ADARB2: variants seen among roughly 807,000 people sequenced by gnomAD.
ADARB2 encodes the protein adenosine deaminase RNA specific B2 (inactive), also known as inactive double-stranded RNA-specific editase B2.
A neutral mutation model predicts 62.2 loss-of-function variants in ADARB2; 25 were observed. The ratio of observed to expected loss-of-function variants is 0.40; its 90% CI spans 0.29 to 0.56. The LOEUF (loss-of-function observed/expected upper bound fraction) is 0.56, where lower values mean the gene tolerates loss of function less well. ADARB2 is among the 20% of genes least tolerant of loss of function. The pLI, the probability that ADARB2 is intolerant of heterozygous loss-of-function variation, is 0.43. For synonymous variants in ADARB2, 572 were observed against 500.8 expected, an observed-to-expected ratio of 1.14 and a Z score of -1.90; for missense variants, 1,071 against 1,077.4, an observed-to-expected ratio of 0.99 and a Z score of 0.08.
At chr10:1,245,153 C>T (rs76409659) in intron 4 of ADARB2, among the ~76,000 whole-genome samples, 312 of 152,182 alleles carry the variant, frequency 2.1e-3, no homozygotes, top group African/African-American at 6.8e-3. Flanking sequence ...ACTTAGGAAG[C>T]ACCCTCAGGA....
intron 3 of ADARB2, among the ~76,000 whole-genome samples, chr10:1,341,991 C>T (rs183909176): frequency 6.6e-6 from 1 of 152,356 alleles, no homozygotes; most frequent in East Asian, 1.9e-4. Context: ...CTGATGTGTG[C>T]ACCCCAGGCT....
At chr10:1,447,607 G>A (rs1517189) in intron 1 of ADARB2, among the ~76,000 whole-genome samples, 7,815 of 152,042 alleles carry the variant, frequency 0.051, 653 homozygotes, top group African/African-American at 0.18. Context: ...AGCTTCAGGG[G>A]TACATGTGCA....
At chr10:1,601,151 T>C (rs61834180) in intron 1 of ADARB2, among the ~76,000 whole-genome samples, 30,068 of 152,224 alleles carry the variant, frequency 0.2, 3,056 homozygotes, top group South Asian at 0.27. Flanking sequence ...CCTGTTCCCG[T>C]CCTCTTTGGA....
rs753691318 is a variant in ADARB2 at position 1,508,334 on chromosome 10, G to A, written c.101-129174C>T. Among the ~76,000 whole-genome samples, 3 of 152,158 alleles carry A rather than the reference G, an allele frequency of 2.0e-5. No individual in the cohort carries two copies. In the South Asian group the frequency reaches 6.2e-4, roughly 32 times the overall value. On this transcript the variant is annotated intron_variant, in intron 1 of 9. Transcript: ENST00000381312. The stretch of plus-strand genomic sequence containing the variant: ...TGGTCAGAGGCTGCGTCTGGACCTC[G>A]GCTTGGCCAAGCTATGTGTGAGCAT...
In ADARB2 at chr10:1,180,070, C is replaced by T. The variant is rs951433660; in HGVS notation, c.*3123G>A. 6.6e-6 allele frequency: 1 copy of T among 152,172 alleles called. No individual in the cohort carries two copies. Among genetic ancestry groups the T allele is most frequent in the African/African-American group, 2.4e-5 (1 of 41,406 alleles). 9.4% of individuals were successfully genotyped at this position (152,172 alleles called of 1,614,324 possible). The stretch of plus-strand genomic sequence containing the variant: ...GGTCAAAACTGCAGGGCAGACATGG[C>T]CTGAAAGTGGTGCTGGGATGTTCTG... On this transcript the variant is annotated 3_prime_UTR_variant, in exon 10 of 10. Coordinates refer to ENST00000381312, the MANE Select transcript of ADARB2 (RefSeq NM_018702.4).
At chr10:1,708,704 T>C (rs1190557855) in intron 1 of ADARB2, among the ~76,000 whole-genome samples, 1 of 152,188 alleles carries the variant, frequency 6.6e-6, no homozygotes, top group Non-Finnish European at 1.5e-5. Flanking sequence ...TTCTGTAAAA[T>C]GGGAATAGTA....
intron 1 of ADARB2, among the ~76,000 whole-genome samples, chr10:1,561,284 G>A (rs913736703): frequency 2.6e-5 from 4 of 152,242 alleles, no homozygotes; most frequent in African/African-American, 9.6e-5. Flanking sequence ...CCCTGGCTGC[G>A]GGACTGGATG....
At chr10:1,559,092 TAA>T (rs763040455) in intron 1 of ADARB2, among the ~76,000 whole-genome samples, 1 of 152,206 alleles carries the variant, frequency 6.6e-6, no homozygotes, top group Non-Finnish European at 1.5e-5. Context: ...CATGAGGCTT[TAA>T]GACACTGATG....
intron 3 of ADARB2, among the ~76,000 whole-genome samples, chr10:1,327,123 A>C (rs1398050651): frequency 1.1e-4 from 7 of 65,490 alleles, no homozygotes; most frequent in South Asian, 5.0e-4. Context: ...ACAGCGCCTC[A>C]CTGCACAGCG....
At chr10:1,644,620 C>T (rs1170390022) in intron 1 of ADARB2, among the ~76,000 whole-genome samples, 4 of 152,342 alleles carry the variant, frequency 2.6e-5, no homozygotes, top group East Asian at 3.9e-4. Context: ...TCCTGCCAGG[C>T]GCCTACGCGG....
At chr10:1,685,037 G>T (rs1834582124) in intron 1 of ADARB2, among the ~76,000 whole-genome samples, 1 of 151,982 alleles carries the variant, frequency 6.6e-6, no homozygotes. Context: ...GGTGGGTGGG[G>T]ACTGTGGGAT....
intron 3 of ADARB2, chr10:1,293,085 GGGAGGAAA>G (rs1434990922): frequency 4.5e-5 from 5 of 111,128 alleles, no homozygotes; most frequent in African/African-American, 1.5e-4. Context: ...GGGAGAGAAA[GGGAGGAAA>G]GGAGGGAAGG....
intron 4 of ADARB2, among the ~76,000 whole-genome samples, chr10:1,254,938 T>C (rs948335524): frequency 2.6e-5 from 4 of 152,248 alleles, no homozygotes; most frequent in Admixed American, 2.6e-4. Flanking sequence ...AAATGCTGAC[T>C]CTGTCCAACT....
chr10:1,437,528 G>T (rs558030584), intron 1 of ADARB2, among the ~76,000 whole-genome samples: 166 of 152,322 alleles, frequency 1.1e-3, no homozygotes, highest in African/African-American at 3.7e-3. Flanking sequence ...TTGCACAGCA[G>T]TTGTGTGCCT....
chr10:1,376,506 G>T (rs1388406647), intron 2 of ADARB2, among the ~76,000 whole-genome samples: 1 of 152,184 alleles, frequency 6.6e-6, no homozygotes. Flanking sequence ...CCAGTGTGGG[G>T]GTTCTTATGG....
At chr10:1,695,674 T>C (rs368403443) in intron 1 of ADARB2, among the ~76,000 whole-genome samples, 39 of 152,288 alleles carry the variant, frequency 2.6e-4, no homozygotes, top group African/African-American at 7.7e-4. Context: ...TATGTGCATG[T>C]ATGCAAGAAA....
At chr10:1,670,710 A>T (rs1834373236) in intron 1 of ADARB2, among the ~76,000 whole-genome samples, 1 of 152,218 alleles carries the variant, frequency 6.6e-6, no homozygotes, top group African/African-American at 2.4e-5. Context: ...AAAGTGTGTG[A>T]CTTAAACACG....
At position 1,480,424 on chromosome 10, in the gene ADARB2, C is replaced by T. The variant is rs189147063; in HGVS notation, c.101-101264G>A. Reference sequence around the variant, plus strand: ...AAATTAAGAAAAAGTTCTGGCCGGGCGTGGTGGCTCACGCCTGTAATCCCA... The same window carrying T: ...AAATTAAGAAAAAGTTCTGGCCGGGTGTGGTGGCTCACGCCTGTAATCCCA... On this transcript the variant is annotated intron_variant, in intron 1 of 9. Transcript: ENST00000381312. 4.1e-3 allele frequency among the ~76,000 whole-genome samples: 627 copies of T among 152,290 alleles called. 5 individuals are homozygous for T. The highest frequency in any genetic ancestry group is 0.012 in the African/African-American group (516 of 41,560).
intron 1 of ADARB2, among the ~76,000 whole-genome samples, chr10:1,543,131 C>T (rs913870816): frequency 3.3e-5 from 5 of 152,246 alleles, no homozygotes; most frequent in Admixed American, 2.6e-4. Context: ...GGTGGCTTCC[C>T]TGCTCTCCCT....
Sources: gnomAD v4.1 joint callset for allele counts (sites outside exome capture counted in the v4.1 genomes callset) on GRCh38, gnomAD v4.1.1 for gene constraint, MANE v1.5 for transcripts, NCBI Gene and HGNC (gene_info 2026-07-23, HGNC 2026-07-21) for gene names.